Variants in ANO3 observed in about 807,000 individuals in gnomAD.
ANO3 encodes anoctamin-3.
Under a neutral mutation model 144.8 loss-of-function variants are expected in ANO3, and 99 were observed. That is an observed-to-expected ratio of 0.68 (90% CI 0.58 to 0.81). ANO3 has a LOEUF of 0.81. ANO3 is among the 30% of genes least tolerant of loss of function. The pLI, the probability that ANO3 is intolerant of heterozygous loss-of-function variation, is 0.00. For missense variants in ANO3, 905 were observed against 1,202.2 expected (o/e 0.75, Z 3.66); for synonymous variants, 414 against 392.6 (o/e 1.05, Z -0.64).
intron 1 of ANO3, among the ~76,000 whole-genome samples, chr11:26,298,760 A>T (rs1300229294): frequency 6.6e-6 from 1 of 152,188 alleles, no homozygotes; most frequent in African/African-American, 2.4e-5. Context: ...GGAGATGGGG[A>T]GAAGTCATGG....
intron 1 of ANO3, among the ~76,000 whole-genome samples, chr11:26,242,584 T>C (rs1359055306): frequency 6.6e-6 from 1 of 152,222 alleles, no homozygotes; most frequent in African/African-American, 2.4e-5. Context: ...TAATTTTCTA[T>C]CTACACAAAT....
intron 1 of ANO3, among the ~76,000 whole-genome samples, chr11:26,339,940 C>A (rs1477605481): frequency 6.6e-6 from 1 of 152,168 alleles, no homozygotes; most frequent in Non-Finnish European, 1.5e-5. Context: ...GCAGCAGCTG[C>A]AGGATACAGG....
chr11:26,364,236 G>A (rs1856003169), intron 1 of ANO3, among the ~76,000 whole-genome samples: 1 of 152,060 alleles, frequency 6.6e-6, no homozygotes, highest in Non-Finnish European at 1.5e-5. Flanking sequence ...GACAAATTTA[G>A]CCCCATCTCT....
intron 1 of ANO3, among the ~76,000 whole-genome samples, chr11:26,312,752 A>G (rs906714799): frequency 1.3e-5 from 2 of 152,206 alleles, no homozygotes; most frequent in African/African-American, 4.8e-5. Flanking sequence ...CCTTTGTCAG[A>G]TAGGTAGATT....
chr11:26,386,205 A>C (rs946066987), intron 1 of ANO3, among the ~76,000 whole-genome samples: 2 of 152,202 alleles, frequency 1.3e-5, no homozygotes, highest in Non-Finnish European at 2.9e-5. Flanking sequence ...TTTTAGCATC[A>C]AAATAAATAA....
At chr11:26,274,046 A>G (rs1259045060) in intron 1 of ANO3, among the ~76,000 whole-genome samples, 2 of 147,222 alleles carry the variant, frequency 1.4e-5, no homozygotes, top group Admixed American at 6.8e-5. Flanking sequence ...CACAAAGGGA[A>G]GAAAAAAATA....
chr11:26,405,047 T>C (rs1857245428), intron 1 of ANO3, among the ~76,000 whole-genome samples: 1 of 151,472 alleles, frequency 6.6e-6, no homozygotes, highest in South Asian at 2.1e-4. Context: ...TGGTAGCCAT[T>C]ATATGGTACT....
chr11:26,659,363 C>CT (rs34724600), intron 26 of ANO3, among the ~76,000 whole-genome samples: 24,090 of 146,264 alleles, frequency 0.16, 2,163 homozygotes, highest in East Asian at 0.33. Context: ...TTTATTCCTG[C>CT]TTTTTTTTTT....
chr11:26,272,696 C>G (rs2133837337), intron 1 of ANO3, among the ~76,000 whole-genome samples: 1 of 152,230 alleles, frequency 6.6e-6, no homozygotes, highest in African/African-American at 2.4e-5. Context: ...TCCCAGATGC[C>G]ATTAAGAAAA....
upstream of ANO3, among the ~76,000 whole-genome samples, chr11:26,330,718 G>T (rs1855016620): frequency 6.6e-6 from 1 of 152,118 alleles, no homozygotes. Context: ...AGGGTAGTTT[G>T]TTATGCATCC....
intron 22 of ANO3, among the ~76,000 whole-genome samples, chr11:26,642,798 TTTC>T (rs139017984): frequency 0.38 from 57,077 of 151,458 alleles, 11,600 homozygotes; most frequent in South Asian, 0.48. Flanking sequence ...CTTCTTTCTC[TTTC>T]TTCTTCTTTT....
At position 26,291,183 on chromosome 11, in the gene ANO3, T is replaced by A. The variant is rs919423443; in HGVS notation, c.155-18462T>A. On this transcript the variant is annotated intron_variant, in intron 1 of 27. Coordinates refer to the ANO3 transcript ENST00000672621. ...ATGTAATGGCCTTCTTTGTCTCTTT[T>A]GATCTTTTTGGTTTAAAGCCTGTTT... 1.2e-4 allele frequency among the ~76,000 whole-genome samples: 19 copies of A among 152,240 alleles called. No individual in the cohort carries two copies. The South Asian group carries it at 3.1e-3, about 25-fold the overall frequency.
intron 24 of ANO3, among the ~76,000 whole-genome samples, chr11:26,655,829 T>C (rs1853669568): frequency 6.6e-6 from 1 of 152,164 alleles, no homozygotes; most frequent in South Asian, 2.1e-4. Flanking sequence ...TTTATAGAGT[T>C]TTAATGCATA....
At chr11:26,189,400 T>TGTAATAAATAAATGTTGG (rs1449637633) in intron 1 of ANO3, 4 of 863,376 alleles carry the variant, frequency 4.6e-6, no homozygotes, top group Non-Finnish European at 5.6e-6. Flanking sequence ...ATGTCTGATG[T>TGTAATAAATAAATGTTGG]GTAATAAATA....
intron 1 of ANO3, among the ~76,000 whole-genome samples, chr11:26,209,748 T>G (rs565258695): frequency 2.0e-5 from 3 of 152,384 alleles, no homozygotes; most frequent in African/African-American, 7.2e-5. Flanking sequence ...CCAGAGATGA[T>G]GAGCTTTTTT....
At chr11:26,563,759 C>G (rs1376030477) in intron 14 of ANO3, among the ~76,000 whole-genome samples, 4 of 151,758 alleles carry the variant, frequency 2.6e-5, no homozygotes, top group African/African-American at 9.7e-5. Flanking sequence ...ATCAGTGTAT[C>G]CTGATAGAAG....
chr11:26,430,355 C>A (rs1230612439), intron 1 of ANO3, among the ~76,000 whole-genome samples: 1 of 151,810 alleles, frequency 6.6e-6, no homozygotes, highest in Admixed American at 6.6e-5. Context: ...ATCTTATATC[C>A]TTGCAAATGA....
intron 1 of ANO3, among the ~76,000 whole-genome samples, chr11:26,409,764 G>C (rs903645792): frequency 2.6e-5 from 4 of 151,886 alleles, no homozygotes; most frequent in Admixed American, 2.6e-4. Flanking sequence ...ATTAAATTGC[G>C]TGTGAGTAGG....
intron 1 of ANO3, among the ~76,000 whole-genome samples, chr11:26,337,529 A>T (rs1855224662): frequency 6.6e-6 from 1 of 152,212 alleles, no homozygotes; most frequent in Non-Finnish European, 1.5e-5. Context: ...TTCTGAAAGT[A>T]ATATATTTGG....
Sources: allele counts gnomAD v4.1 joint callset (sites outside exome capture counted in the v4.1 genomes callset), GRCh38; gene constraint gnomAD v4.1.1; transcripts MANE v1.5; gene names NCBI Gene and HGNC (gene_info 2026-07-23, HGNC 2026-07-21).